Variants in GRID2 observed in about 807,000 individuals in gnomAD.
GRID2 encodes glutamate receptor ionotropic, delta-2.
A neutral mutation model predicts 114.8 loss-of-function variants in GRID2; 33 were observed. That is an observed-to-expected ratio of 0.29 (90% CI 0.22 to 0.38). The LOEUF is 0.38. Ranked by LOEUF, GRID2 falls within the 10% of genes least tolerant of loss-of-function variation. GRID2 has a pLI of 1.00. For missense variants in GRID2, 1,184 were observed against 1,257.7 expected (o/e 0.94, Z 0.89); for synonymous variants, 505 against 449.9 (o/e 1.12, Z -1.55).
chr4:93,552,973 T>A (rs1185386916), intron 13 of GRID2, among the ~76,000 whole-genome samples: 1 of 152,186 alleles, frequency 6.6e-6, no homozygotes, highest in Non-Finnish European at 1.5e-5. Flanking sequence ...TCATCCTTTT[T>A]ATGGCTGCAT....
chr4:93,344,072 A>G (rs540914735), intron 8 of GRID2, among the ~76,000 whole-genome samples: 2 of 152,070 alleles, frequency 1.3e-5, no homozygotes, highest in Non-Finnish European at 2.9e-5. Flanking sequence ...TAATAGTTAT[A>G]AGTAAATTAC....
At chr4:92,792,295 CAG>C (rs1739627884) in intron 2 of GRID2, among the ~76,000 whole-genome samples, 1 of 151,770 alleles carries the variant, frequency 6.6e-6, no homozygotes, top group South Asian at 2.1e-4. Context: ...ACGTGAAGTT[CAG>C]AGTTGTTAGG....
At chr4:93,161,732 G>A (rs1737702692) in intron 4 of GRID2, among the ~76,000 whole-genome samples, 1 of 151,592 alleles carries the variant, frequency 6.6e-6, no homozygotes, top group African/African-American at 2.4e-5. Context: ...TCCAATTCCA[G>A]TTTGCCTTAT....
intron 2 of GRID2, among the ~76,000 whole-genome samples, chr4:92,622,061 T>C (rs1225683901): frequency 6.6e-6 from 1 of 151,772 alleles, no homozygotes; most frequent in Non-Finnish European, 1.5e-5. Context: ...GTTATAATAA[T>C]CTCAGTAATA....
chr4:93,729,335 G>T (rs1440088903), intron 14 of GRID2, among the ~76,000 whole-genome samples: 1 of 152,140 alleles, frequency 6.6e-6, no homozygotes, highest in Non-Finnish European at 1.5e-5. Context: ...GATGAGACAA[G>T]ACTGAAAAAC....
At chr4:93,221,135 G>A (rs949785751) in intron 6 of GRID2, among the ~76,000 whole-genome samples, 2 of 152,120 alleles carry the variant, frequency 1.3e-5, no homozygotes, top group Admixed American at 1.3e-4. Context: ...CTCTATGTCA[G>A]AAGAATTTTG....
chr4:92,847,297 G>C (rs1056176650), intron 2 of GRID2, among the ~76,000 whole-genome samples: 1 of 151,952 alleles, frequency 6.6e-6, no homozygotes, highest in Non-Finnish European at 1.5e-5. Context: ...TCAACCCCCA[G>C]CACTTCTGCT....
chr4:93,284,075 A>G (rs1055275275), intron 8 of GRID2, among the ~76,000 whole-genome samples: 19 of 152,192 alleles, frequency 1.2e-4, no homozygotes, highest in Admixed American at 6.6e-4. Context: ...TTACAAGATG[A>G]CAGATTTTCT....
chr4:93,390,847 G>GTA (rs1764785320), intron 8 of GRID2, among the ~76,000 whole-genome samples: 2 of 151,496 alleles, frequency 1.3e-5, no homozygotes, highest in African/African-American at 4.9e-5. Context: ...ATACATATTT[G>GTA]TATATATATG....
intron 13 of GRID2, among the ~76,000 whole-genome samples, chr4:93,612,019 T>C (rs1321056684): frequency 6.6e-6 from 1 of 151,748 alleles, no homozygotes; most frequent in Non-Finnish European, 1.5e-5. Context: ...TGCATAAATA[T>C]TTAGGATAGT....
rs149144658 is a variant in GRID2, at chr4:92,834,109, C to T, written c.244+243823C>T. 2.9e-3 allele frequency: 439 copies of T among 152,114 alleles called. 2 individuals carry two copies. Among genetic ancestry groups the T allele is most frequent in the African/African-American group, 9.9e-3 (410 of 41,482 alleles). 9.4% of individuals were successfully genotyped at this position (152,114 alleles called of 1,614,324 possible). A position where few individuals can be genotyped will look rare whatever the true frequency, so the allele number is the denominator to read the frequency against. The stretch of plus-strand genomic sequence containing the variant: ...GATTAAGAGAATATTTATTCCTTGT[C>T]GGTGTCAACTTAAAGGATTTCCCCT... On this transcript the variant is annotated intron_variant, in intron 2 of 15. Coordinates refer to ENST00000282020, the MANE Select transcript of GRID2 (RefSeq NM_001510.4).
In GRID2 at chr4:93,121,434, T is replaced by C. The variant is rs72887648; in HGVS notation, c.735+10481T>C. Among the ~76,000 whole-genome samples, 1,144 of 152,320 alleles carry C rather than the reference T, an allele frequency of 7.5e-3. 21 individuals carry two copies. Among genetic ancestry groups the C allele is most frequent in the African/African-American group, 0.026 (1,088 of 41,572 alleles). ...GAATCATACGGTGTGTACTGTTTTG[T>C]CTTTCTTTCGTTCAGCATTATATCT... On this transcript the variant is annotated intron_variant, in intron 4 of 15. Coordinates refer to ENST00000282020, the MANE Select transcript of GRID2 (RefSeq NM_001510.4).
intron 1 of GRID2, among the ~76,000 whole-genome samples, chr4:92,377,422 G>A (rs1195025017): frequency 6.6e-6 from 1 of 152,102 alleles, no homozygotes; most frequent in Non-Finnish European, 1.5e-5. Context: ...TTTGGGCAAA[G>A]CCATTCAACA....
intron 2 of GRID2, among the ~76,000 whole-genome samples, chr4:93,002,344 A>G (rs900488574): frequency 2.6e-5 from 4 of 151,792 alleles, no homozygotes; most frequent in Non-Finnish European, 5.9e-5. Context: ...TTCTACTGTA[A>G]TACAAAATAT....
At chr4:93,438,555 AG>A (rs1384133545) in intron 10 of GRID2, among the ~76,000 whole-genome samples, 5 of 152,214 alleles carry the variant, frequency 3.3e-5, no homozygotes, top group South Asian at 2.1e-4. Context: ...CATTGGAGTG[AG>A]GAAGAGAAAA....
In GRID2 at chr4:92,341,787, C is replaced by T. The variant is rs562502510; in HGVS notation, c.88+37043C>T. 3.4e-3 allele frequency among the ~76,000 whole-genome samples: 509 copies of T among 151,804 alleles called. 3 individuals carry two copies. Among genetic ancestry groups the T allele is most frequent in the African/African-American group, 0.011 (465 of 41,398 alleles). ...AAAATTAGCCAGGCGTGGTGGCGGGCGCCTGTAGTCCCAGCTTCTTCGGAG... is the reference window on the plus strand; with the variant it reads ...AAAATTAGCCAGGCGTGGTGGCGGGTGCCTGTAGTCCCAGCTTCTTCGGAG... On this transcript the variant is annotated intron_variant, in intron 1 of 15. Transcript: ENST00000282020.
chr4:92,639,258 T>C (rs1472200276), intron 2 of GRID2, among the ~76,000 whole-genome samples: 1 of 151,748 alleles, frequency 6.6e-6, no homozygotes, highest in South Asian at 2.1e-4. Context: ...AGAACATATT[T>C]AAGATTTCTC....
intron 8 of GRID2, among the ~76,000 whole-genome samples, chr4:93,286,692 G>GTGTGTGTGT (rs1561086976): frequency 7.7e-4 from 109 of 141,444 alleles, no homozygotes; most frequent in African/African-American, 3.2e-3. Flanking sequence ...TGTGTGTGTG[G>GTGTGTGTGT]GGGTGTGTGT....
intron 2 of GRID2, among the ~76,000 whole-genome samples, chr4:92,888,402 C>G (rs921807070): frequency 1.5e-4 from 23 of 151,884 alleles, no homozygotes; most frequent in Non-Finnish European, 3.1e-4. Flanking sequence ...TTCGAATTTG[C>G]CCAGTCAACC....
Sources: allele counts gnomAD v4.1 joint callset (sites outside exome capture counted in the v4.1 genomes callset), GRCh38; gene constraint gnomAD v4.1.1; transcripts MANE v1.5; gene names NCBI Gene and HGNC (gene_info 2026-07-23, HGNC 2026-07-21).